Variants in BRINP3 observed in about 807,000 individuals in gnomAD.
BRINP3 encodes BMP/retinoic acid-inducible neural-specific protein 3.
Under a neutral mutation model 71.0 loss-of-function variants are expected in BRINP3, and 19 were observed. That is an observed-to-expected ratio of 0.27 (90% CI 0.19 to 0.39). The LOEUF is 0.39. Ranked by LOEUF, BRINP3 falls within the 10% of genes least tolerant of loss-of-function variation. The probability of loss-of-function intolerance (pLI) is 1.00; values close to 1 mark genes in which losing one functional copy is unlikely to be tolerated. For missense variants in BRINP3, 959 were observed against 940.8 expected (o/e 1.02, Z -0.25); for synonymous variants, 380 against 337.7 (o/e 1.13, Z -1.37).
chr1:190,411,001 C>A (rs2102408051), intron 2 of BRINP3, among the ~76,000 whole-genome samples: 1 of 152,116 alleles, frequency 6.6e-6, no homozygotes, highest in Admixed American at 6.5e-5. Flanking sequence ...TCAAAAAAAA[C>A]CAAGACGACT....
At chr1:190,343,308 T>C (rs1371975136) in intron 2 of BRINP3, among the ~76,000 whole-genome samples, 1 of 151,766 alleles carries the variant, frequency 6.6e-6, no homozygotes, top group African/African-American at 2.4e-5. Flanking sequence ...TGTTTAAGGC[T>C]AGAGTTTGAG....
chr1:190,187,927 T>A (rs1430135106), intron 6 of BRINP3, among the ~76,000 whole-genome samples: 1 of 151,992 alleles, frequency 6.6e-6, no homozygotes, highest in African/African-American at 2.4e-5. Flanking sequence ...ATCTTATTGA[T>A]ATTTTGATAA....
chr1:190,252,952 C>A (rs1225801948), intron 4 of BRINP3, among the ~76,000 whole-genome samples: 1 of 152,012 alleles, frequency 6.6e-6, no homozygotes, highest in Non-Finnish European at 1.5e-5. Flanking sequence ...CCATGACAGA[C>A]CCCAGGGTGT....
rs890836252 is a variant in BRINP3 at position 190,475,315 on chromosome 1, C to G, written c.-51+2133G>C. 5.3e-5 allele frequency among the ~76,000 whole-genome samples: 8 copies of G among 152,098 alleles called. No homozygotes were observed. In the East Asian group the frequency reaches 5.8e-4, roughly 11 times the overall value. On this transcript the variant is annotated intron_variant, in intron 1 of 7. Transcript: ENST00000367462. ...AAATAAATATTAACGCAAAAAGGTACTAAGAGACTCCAGAGATCTTAAGTC... is the reference window on the plus strand; with the variant it reads ...AAATAAATATTAACGCAAAAAGGTAGTAAGAGACTCCAGAGATCTTAAGTC...
chr1:190,419,887 A>G (rs1673259148), intron 2 of BRINP3, among the ~76,000 whole-genome samples: 1 of 151,932 alleles, frequency 6.6e-6, no homozygotes, highest in South Asian at 2.1e-4. Context: ...TCCCAGGTCA[A>G]TATGACAATG....
chr1:190,230,049 C>T (rs945399414), intron 5 of BRINP3, among the ~76,000 whole-genome samples: 3 of 151,844 alleles, frequency 2.0e-5, no homozygotes, highest in Non-Finnish European at 4.4e-5. Context: ...CAATGGATAG[C>T]TTTAACAGCA....
intron 7 of BRINP3, among the ~76,000 whole-genome samples, chr1:190,111,116 T>C (rs1217507110): frequency 6.9e-6 from 1 of 144,214 alleles, no homozygotes; most frequent in Non-Finnish European, 1.5e-5. Context: ...AGGCGGAGCT[T>C]GCAGTCAGCC....
chr1:190,444,444 T>C (rs1018815404), intron 2 of BRINP3, among the ~76,000 whole-genome samples: 5 of 151,902 alleles, frequency 3.3e-5, no homozygotes, highest in African/African-American at 1.2e-4. Flanking sequence ...TATTAGCTTT[T>C]ACATTTAAAA....
At chr1:190,177,114 G>A (rs1299062564) in intron 6 of BRINP3, among the ~76,000 whole-genome samples, 1 of 130,862 alleles carries the variant, frequency 7.6e-6, no homozygotes, top group Non-Finnish European at 1.6e-5. Context: ...AATCTTCATG[G>A]TTTTGTTTGT....
chr1:190,426,693 C>G (rs1673729466), intron 2 of BRINP3, among the ~76,000 whole-genome samples: 2 of 151,666 alleles, frequency 1.3e-5, no homozygotes, highest in Non-Finnish European at 3.0e-5. Flanking sequence ...TTATACAAAG[C>G]CATGTTCCAA....
intron 2 of BRINP3, among the ~76,000 whole-genome samples, chr1:190,447,299 GTATATATA>G (rs5779531): frequency 2.8e-5 from 4 of 144,288 alleles, no homozygotes; most frequent in Non-Finnish European, 4.6e-5. Context: ...GTGTAAAATA[GTATATATA>G]TATATATAGT....
chr1:190,269,578 G>C (rs1190129346), intron 3 of BRINP3, among the ~76,000 whole-genome samples: 3 of 151,884 alleles, frequency 2.0e-5, no homozygotes, highest in Non-Finnish European at 4.4e-5. Flanking sequence ...GAATCAGACA[G>C]AAAAACAGGA....
intron 1 of BRINP3, among the ~76,000 whole-genome samples, chr1:190,467,303 G>T (rs965635279): frequency 2.0e-5 from 3 of 151,488 alleles, no homozygotes; most frequent in Non-Finnish European, 4.4e-5. Flanking sequence ...TATTTTCATT[G>T]CTATATTCCC....
At chr1:190,421,496 A>G (rs189153126) in intron 2 of BRINP3, among the ~76,000 whole-genome samples, 18 of 151,612 alleles carry the variant, frequency 1.2e-4, no homozygotes, top group Non-Finnish European at 2.5e-4. Flanking sequence ...ATAACTATAT[A>G]TAACTATGAC....
intron 2 of BRINP3, among the ~76,000 whole-genome samples, chr1:190,373,695 T>C (rs992885576): frequency 6.6e-6 from 1 of 151,802 alleles, no homozygotes; most frequent in Non-Finnish European, 1.5e-5. Context: ...ACATTCCCAG[T>C]TGAGGCCTAA....
chr1:190,449,050 G>T (rs535055996), intron 2 of BRINP3, among the ~76,000 whole-genome samples: 1 of 151,602 alleles, frequency 6.6e-6, no homozygotes, highest in East Asian at 1.9e-4. Context: ...TTATATCATC[G>T]GAGTTTATAA....
intron 2 of BRINP3, among the ~76,000 whole-genome samples, chr1:190,332,090 G>A (rs919026544): frequency 6.6e-6 from 1 of 151,932 alleles, no homozygotes; most frequent in Non-Finnish European, 1.5e-5. Flanking sequence ...CCTATTTTAA[G>A]CTATTTTTTC....
intron 4 of BRINP3, among the ~76,000 whole-genome samples, chr1:190,240,936 CTTTAA>C (rs1558098606): frequency 7.7e-6 from 1 of 130,708 alleles, no homozygotes; most frequent in African/African-American, 2.9e-5. Flanking sequence ...ATAAAAATAT[CTTTAA>C]TTTATTTTAT....
chr1:190,467,064 T>C (rs1676805549), intron 1 of BRINP3, among the ~76,000 whole-genome samples: 1 of 151,546 alleles, frequency 6.6e-6, no homozygotes, highest in African/African-American at 2.4e-5. Flanking sequence ...TCTTTAATAG[T>C]TATTCTTTAA....
Sources: gnomAD v4.1 joint callset for allele counts (sites outside exome capture counted in the v4.1 genomes callset) on GRCh38, gnomAD v4.1.1 for gene constraint, MANE v1.5 for transcripts, NCBI Gene and HGNC (gene_info 2026-07-23, HGNC 2026-07-21) for gene names.